RNF38: variants seen among roughly 807,000 people sequenced by gnomAD.
The protein encoded by RNF38 is E3 ubiquitin-protein ligase RNF38.
RNF38 carries 15 observed loss-of-function variants against 67.2 expected under a neutral mutation model. That is an observed-to-expected ratio of 0.22 (90% CI 0.15 to 0.34). RNF38 has a LOEUF of 0.34. Among genes scored for constraint, RNF38 ranks in the 10% least tolerant of loss-of-function variants. RNF38 has a pLI of 1.00. For synonymous variants in RNF38, 220 were observed against 218.8 expected (o/e 1.01, Z -0.05); for missense variants, 524 against 639.9 (o/e 0.82, Z 1.95).
intron 2 of RNF38, among the ~76,000 whole-genome samples, chr9:36,388,326 G>C (rs1363906207): frequency 1.3e-5 from 2 of 151,792 alleles, no homozygotes; most frequent in Non-Finnish European, 2.9e-5. Context: ...ATTTCACAAA[G>C]CATGTAAAAT....
chr9:36,394,178 G>A (rs1320745253), intron 1 of RNF38, among the ~76,000 whole-genome samples: 5 of 152,190 alleles, frequency 3.3e-5, no homozygotes, highest in Admixed American at 2.0e-4. Context: ...GGGAGGCTGA[G>A]GCAGGAGAAT....
At chr9:36,471,179 C>T (rs1350089233) in intron 1 of RNF38, among the ~76,000 whole-genome samples, 1 of 152,190 alleles carries the variant, frequency 6.6e-6, no homozygotes, top group Non-Finnish European at 1.5e-5. Flanking sequence ...TTCCCAGACC[C>T]AGGAAGTAGC....
intron 8 of RNF38, among the ~76,000 whole-genome samples, chr9:36,351,648 A>G (rs1833694494): frequency 6.6e-6 from 1 of 152,214 alleles, no homozygotes; most frequent in East Asian, 1.9e-4. Context: ...GGGGAGAGAG[A>G]GGAAGGAAGG....
intron 1 of RNF38, among the ~76,000 whole-genome samples, chr9:36,437,363 T>A (rs181211507): frequency 6.6e-6 from 1 of 152,306 alleles, no homozygotes; most frequent in African/African-American, 2.4e-5. Context: ...AGAGGAAAAA[T>A]CTACATAGCT....
Position 36,356,268 on chromosome 9 carries a change from A to T in RNF38, c.909+35T>A, listed in dbSNP as rs200693454. 2.5e-6 allele frequency: 4 copies of T among 1,605,884 alleles called. No individual in the cohort carries two copies. In the African/African-American group the frequency reaches 5.4e-5, roughly 22 times the overall value. On this transcript the variant is annotated intron_variant, in intron 6 of 11. Coordinates refer to ENST00000259605, the MANE Select transcript of RNF38 (RefSeq NM_022781.5). ...TGAAAAAATTAAAAATTAGTTAAAAACTAAACATTCTGACATAATAGTAGA... is the reference window on the plus strand; with the variant it reads ...TGAAAAAATTAAAAATTAGTTAAAATCTAAACATTCTGACATAATAGTAGA...
intron 1 of RNF38, among the ~76,000 whole-genome samples, chr9:36,440,588 C>A (rs1271236874): frequency 6.6e-6 from 1 of 150,814 alleles, no homozygotes; most frequent in Non-Finnish European, 1.5e-5. Flanking sequence ...GAAAAGTTAC[C>A]AAAATATACT....
chr9:36,343,104 T>C lies in RNF38; in HGVS notation c.1386-680A>G, dbSNP rs563132833. ...ATAGTTGTTATACTGTATTGTTCTT[T>C]ATTTGTACTATGTATTGCTCTATTG... On this transcript the variant is annotated intron_variant, in intron 10 of 11. Transcript: ENST00000259605. Among the ~76,000 whole-genome samples the C allele has an allele frequency of 3.3e-5, 5 of 152,216 alleles. No individual in the cohort carries two copies. The East Asian group carries it at 9.6e-4, about 29-fold the overall frequency.
intron 2 of RNF38, among the ~76,000 whole-genome samples, chr9:36,389,914 A>C (rs1836939317): frequency 6.6e-6 from 1 of 152,190 alleles, no homozygotes; most frequent in Non-Finnish European, 1.5e-5. Context: ...AATGATTTCT[A>C]TGGGCAGATT....
chr9:36,447,320 C>T, intron 1 of RNF38, among the ~76,000 whole-genome samples: 1 of 152,194 alleles, frequency 6.6e-6, no homozygotes, highest in Admixed American at 6.5e-5. Flanking sequence ...CCAAAAGTTG[C>T]TTGAGAGCAG....
chr9:36,477,075 G>A (rs1054038485), intron 1 of RNF38, among the ~76,000 whole-genome samples: 3 of 152,040 alleles, frequency 2.0e-5, no homozygotes, highest in African/African-American at 7.2e-5. Flanking sequence ...TGTAATCCCA[G>A]CACTTTGGGG....
At chr9:36,356,233 C>T in intron 6 of RNF38, 70 bp downstream of exon 6, 2 of 1,482,202 alleles carry the variant, frequency 1.3e-6, no homozygotes, top group South Asian at 2.4e-5. Context: ...TATACCTGGC[C>T]TAAACATTCT....
At chr9:36,404,891 T>C (rs1243615277), upstream of RNF38, among the ~76,000 whole-genome samples, 1 of 149,922 alleles carries the variant, frequency 6.7e-6, no homozygotes. Context: ...ACTGTCGACA[T>C]TTAAGTACGG....
chr9:36,443,167 T>A (rs990781423), intron 1 of RNF38, among the ~76,000 whole-genome samples: 1 of 152,212 alleles, frequency 6.6e-6, no homozygotes, highest in Non-Finnish European at 1.5e-5. Flanking sequence ...TATCTCCACA[T>A]AGATTAAGCT....
intron 4 of RNF38, among the ~76,000 whole-genome samples, chr9:36,363,955 TCCCGAGTACCTGGGA>T (rs1231780833): frequency 3.5e-5 from 3 of 85,996 alleles, no homozygotes; most frequent in African/African-American, 1.0e-4. Context: ...TGCCTCAGAC[TCCCGAGTACCTGGGA>T]TAGGCACCCA....
intron 1 of RNF38, among the ~76,000 whole-genome samples, chr9:36,449,647 G>A (rs1397004823): frequency 6.6e-6 from 1 of 152,140 alleles, no homozygotes; most frequent in Non-Finnish European, 1.5e-5. Flanking sequence ...GTGTTAGCCA[G>A]GATGGTCTCG....
intron 2 of RNF38, among the ~76,000 whole-genome samples, chr9:36,409,986 A>G (rs1022388470): frequency 6.6e-6 from 1 of 152,314 alleles, no homozygotes; most frequent in East Asian, 1.9e-4. Flanking sequence ...TTCCTGTTGC[A>G]ATAGTGTCTT....
chr9:36,438,818 C>T (rs994639826), intron 1 of RNF38, among the ~76,000 whole-genome samples: 3 of 152,214 alleles, frequency 2.0e-5, no homozygotes, highest in Admixed American at 6.5e-5. Flanking sequence ...CCTCTCTCCT[C>T]CTCTCACTAC....
chr9:36,370,023 T>A, intron 3 of RNF38, 91 bp from the exon 4 acceptor site: 2 of 1,033,394 alleles, frequency 1.9e-6, no homozygotes, highest in South Asian at 1.7e-5. Context: ...CAATAGTATA[T>A]GCTAAGGTAA....
chr9:36,482,017 T>C (rs1231032406), intron 1 of RNF38, among the ~76,000 whole-genome samples: 2 of 151,920 alleles, frequency 1.3e-5, no homozygotes, highest in African/African-American at 4.8e-5. Flanking sequence ...GGTACTATAC[T>C]TTCTCTCCTC....
Sources: allele counts gnomAD v4.1 joint callset (sites outside exome capture counted in the v4.1 genomes callset), GRCh38; gene constraint gnomAD v4.1.1; transcripts MANE v1.5; gene names NCBI Gene and HGNC (gene_info 2026-07-23, HGNC 2026-07-21).